Variants in PCDH1 observed in about 807,000 individuals in gnomAD.
The protein encoded by PCDH1 is protocadherin-1.
In PCDH1, 23 loss-of-function variants were observed where a neutral mutation model predicts 74.6. The ratio of observed to expected loss-of-function variants is 0.31; its 90% CI spans 0.22 to 0.44. The LOEUF is 0.44. Among genes scored for constraint, PCDH1 ranks in the 20% least tolerant of loss-of-function variants. The pLI is 1.00. For synonymous variants in PCDH1, 647 were observed against 686.1 expected (o/e 0.94, Z 0.89); for missense variants, 1,214 against 1,641.4 (o/e 0.74, Z 4.50).
intron 1 of PCDH1, among the ~76,000 whole-genome samples, chr5:141,873,742 G>A (rs569354435): frequency 6.6e-6 from 1 of 152,124 alleles, no homozygotes; most frequent in South Asian, 2.1e-4. Context: ...ACAGGCGTGA[G>A]CCACTGCGCC....
At chr5:141,860,445 G>A (rs1373882716) in intron 3 of PCDH1, among the ~76,000 whole-genome samples, 2 of 149,804 alleles carry the variant, frequency 1.3e-5, no homozygotes, top group Non-Finnish European at 2.9e-5. Flanking sequence ...GTTGCAATGA[G>A]CCAAGATTGC....
Position 141,865,476 on chromosome 5 carries a change from G to T in PCDH1, c.904-49C>A. The T allele has an allele frequency of 6.4e-7, 1 of 1,571,240 alleles. No individual in the cohort carries two copies. The highest frequency in any genetic ancestry group is 8.6e-7 in the Non-Finnish European group (1 of 1,160,050). Reference sequence around the variant, plus strand: ...AGGAGAACAGAGATGGTTTAGATCAGGGATAGCAAATAAAGGGGCACACAT... The same window carrying T: ...AGGAGAACAGAGATGGTTTAGATCATGGATAGCAAATAAAGGGGCACACAT... On this transcript the variant is annotated intron_variant, in intron 2 of 4. Coordinates refer to ENST00000287008, the MANE Select transcript of PCDH1 (RefSeq NM_032420.5). This position sits in a 1 kb window ranked among gnomAD's most constrained non-coding sequence, Gnocchi z 4.4.
rs1271292081 is a variant in PCDH1 at position 141,869,866 on chromosome 5, G to A, written c.41-435C>T. On this transcript the variant is annotated intron_variant, in intron 1 of 4. Transcript: ENST00000287008. The surrounding 1 kb of genome is among the most constrained non-coding windows in gnomAD (Gnocchi z 4.9). Reference sequence around the variant, plus strand: ...ACTGAGATAGGGAGAGAGAGCCAGTGGAAGGGTGAGACCTCGAGCATCCCC... The same window carrying A: ...ACTGAGATAGGGAGAGAGAGCCAGTAGAAGGGTGAGACCTCGAGCATCCCC... 3.2e-6 allele frequency: 3 copies of A among 934,680 alleles called. No homozygotes were observed. The highest frequency in any genetic ancestry group is 3.8e-6 in the Non-Finnish European group (3 of 783,536). 57.9% of individuals were successfully genotyped at this position (934,680 alleles called of 1,614,324 possible).
rs968310242 is a variant in PCDH1, at chr5:141,865,365, C to T, written c.966G>A (p.Ala322=). Residue 322 remains alanine (A), a synonymous_variant, in exon 3 of 5, where the codon GCG becomes GCA. Transcript: ENST00000287008. This position sits in a 1 kb window ranked among gnomAD's most constrained non-coding sequence, Gnocchi z 4.4. ...GAAGAAGACGCCTCACAACTTCGGG[C>T]GCCTGGTGGAATGTGTATTCGATTT... The part of the protein sequence containing the change: ...NAEIEYTFHQ[A]PEVVRRLLRL... 6 of 1,613,962 alleles carry T rather than the reference C, an allele frequency of 3.7e-6. No individual in the cohort carries two copies. The highest frequency in any genetic ancestry group is 2.7e-5 in the African/African-American group (2 of 74,906).
rs76528157 is a variant in PCDH1 at position 141,874,126 on chromosome 5, C to A, written c.40+4097G>T. ...CATTCCTGGACTGCCAACCTTGCCC[C>A]GTAAGGAGGGAATAAGAAACAGTGG... On this transcript the variant is annotated intron_variant, in intron 1 of 4. Coordinates refer to ENST00000287008, the MANE Select transcript of PCDH1 (RefSeq NM_032420.5). 7.0e-3 allele frequency among the ~76,000 whole-genome samples: 1,072 copies of A among 152,244 alleles called. 18 individuals are homozygous for A. Among genetic ancestry groups the A allele is most frequent in the African/African-American group, 0.024 (1,017 of 41,516 alleles).
In PCDH1 at chr5:141,865,228, C is replaced by T. The variant is rs142395032; in HGVS notation, c.1103G>A (p.Ser368Asn). The change falls in exon 3 of 5, where the codon AGT becomes AAT. Residue 368 changes from serine (S) to asparagine (N), a missense_variant. Around this residue, in one of 4 missense-constraint regions of PCDH1, gnomAD observed 836 missense variants for 1,182.2 expected, o/e 0.71. Transcript: ENST00000287008. The surrounding 1 kb of genome is among the most constrained non-coding windows in gnomAD (Gnocchi z 4.4). ...GGTCACAACCACCTGGGCACGGGCACTCTTGGGGTTGGTGCCTCGGTCCTT... is the reference window on the plus strand; with the variant it reads ...GGTCACAACCACCTGGGCACGGGCATTCTTGGGGTTGGTGCCTCGGTCCTT... ...LAKDRGTNPK[S>N]ARAQVVVTVK... is the part of the protein sequence containing the mutation. 2.0e-5 allele frequency: 33 copies of T among 1,614,080 alleles called. No homozygotes were observed. Among genetic ancestry groups the T allele is most frequent in the Non-Finnish European group, 2.8e-5 (33 of 1,180,056 alleles).
At chr5:141,855,067 G>A (rs1243827981) in intron 4 of PCDH1, among the ~76,000 whole-genome samples, 1 of 151,762 alleles carries the variant, frequency 6.6e-6, no homozygotes, top group Non-Finnish European at 1.5e-5. Flanking sequence ...AATTTCCCAG[G>A]CTCAGGCAAT....
chr5:141,878,367 C>T lies in PCDH1; in HGVS notation c.-105G>A. The T allele has an allele frequency of 1.1e-6, 1 of 912,302 alleles. No homozygotes were observed. Among genetic ancestry groups the T allele is most frequent in the Non-Finnish European group, 1.4e-6 (1 of 717,860 alleles). 56.5% of individuals were successfully genotyped at this position (912,302 alleles called of 1,614,324 possible). On this transcript the variant is annotated 5_prime_UTR_variant, in exon 1 of 5. Transcript: ENST00000287008. The surrounding 1 kb of genome is among the most constrained non-coding windows in gnomAD (Gnocchi z 5.5). ...CCGGCTGGCTCTGGGCGCAGCAGCCCGGCGGCTTTGCGTCCGCGCCGCGCT... is the reference window on the plus strand; with the variant it reads ...CCGGCTGGCTCTGGGCGCAGCAGCCTGGCGGCTTTGCGTCCGCGCCGCGCT...
Position 141,878,322 on chromosome 5 carries a change from T to G in PCDH1, c.-60A>C. ...CGCACGGCTGGGGCTGGAGCTGCAG[T>G]TCGGGCTCCGGCTCCGGCTCCGGCT... On this transcript the variant is annotated 5_prime_UTR_variant, in exon 1 of 5. Coordinates refer to ENST00000287008, the MANE Select transcript of PCDH1 (RefSeq NM_032420.5). The surrounding 1 kb of genome is among the most constrained non-coding windows in gnomAD (Gnocchi z 5.5). 8.6e-7 allele frequency: 1 copy of G among 1,167,188 alleles called. No homozygotes were observed. Among genetic ancestry groups the G allele is most frequent in the Non-Finnish European group, 1.1e-6 (1 of 940,450 alleles). 72.3% of individuals were successfully genotyped at this position (1,167,188 alleles called of 1,614,324 possible).
chr5:141,876,296 C>G (rs1408495480), intron 1 of PCDH1, among the ~76,000 whole-genome samples: 1 of 152,188 alleles, frequency 6.6e-6, no homozygotes, highest in Non-Finnish European at 1.5e-5. Flanking sequence ...CCCCCCGCAC[C>G]CAGGCCACCG....
At chr5:141,877,866 C>G (rs572291934) in intron 1 of PCDH1, among the ~76,000 whole-genome samples, 22 of 152,192 alleles carry the variant, frequency 1.4e-4, no homozygotes, top group Admixed American at 1.3e-3. Context: ...CTCCGGGAGA[C>G]CCCCACCAAA....
chr5:141,862,788 CCACT>C (rs1752617338), intron 3 of PCDH1: 1 of 1,036,824 alleles, frequency 9.6e-7, no homozygotes, highest in African/African-American at 1.7e-5. Flanking sequence ...GGCAGACTCC[CCACT>C]CAGTTATCCA....
chr5:141,857,119 G>A (rs974537106), intron 4 of PCDH1, 133 bp downstream of exon 4: 3 of 710,442 alleles, frequency 4.2e-6, no homozygotes, highest in Admixed American at 6.5e-5. Context: ...GTGTATACCT[G>A]AAAGCCCTCA....
At position 141,854,335 on chromosome 5, in the gene PCDH1, G is replaced by A; in HGVS notation, c.3421C>T (p.Pro1141Ser). ...DTCWMPGQSS[P>S]SRRTKSSALK... ...GCGCTGCTCTTGGTCCGGCGGCTGG[G>A]AGATGACTGGCCAGGCATCCAGCAT... The change falls in exon 5 of 5, where the codon CCC becomes TCC. Residue 1141 changes from proline (P) to serine (S), a missense_variant. Around this residue, in one of 4 missense-constraint regions of PCDH1, gnomAD observed 194 missense variants for 198.3 expected, o/e 0.98. Coordinates refer to ENST00000287008, the MANE Select transcript of PCDH1 (RefSeq NM_032420.5). 6.2e-7 allele frequency: 1 copy of A among 1,613,836 alleles called. No homozygotes were observed. The highest frequency in any genetic ancestry group is 8.5e-7 in the Non-Finnish European group (1 of 1,179,992).
chr5:141,867,539 T>C (rs1419429191), intron 2 of PCDH1: 6 of 454,406 alleles, frequency 1.3e-5, no homozygotes, highest in Admixed American at 9.5e-5. Flanking sequence ...ACCTAGGCTA[T>C]TATTATTTGC....
At chr5:141,860,515 A>G (rs926202180) in intron 3 of PCDH1, among the ~76,000 whole-genome samples, 2 of 146,674 alleles carry the variant, frequency 1.4e-5, no homozygotes, top group African/African-American at 2.4e-5. Flanking sequence ...AAAAAAAAAA[A>G]AGGTTAAACG....
chr5:141,856,014 G>A (rs1264822898), intron 4 of PCDH1, among the ~76,000 whole-genome samples: 1 of 151,354 alleles, frequency 6.6e-6, no homozygotes, highest in Non-Finnish European at 1.5e-5. Flanking sequence ...GGGCTCCCCT[G>A]GCACCACCCA....
Position 141,867,821 on chromosome 5 carries a change from C to T in PCDH1, c.903+748G>A, listed in dbSNP as rs1006522294. 5.3e-5 allele frequency among the ~76,000 whole-genome samples: 8 copies of T among 152,204 alleles called. No homozygotes were observed. In the South Asian group the frequency reaches 1.2e-3, roughly 24 times the overall value. On this transcript the variant is annotated intron_variant, in intron 2 of 4. Transcript: ENST00000287008. ...CAGGAGGCCAGAGCTGAGATGACAG[C>T]GGGAGATACACCCACCTGTCTGCAG... is the stretch of plus-strand genomic sequence containing the variant.
At chr5:141,874,745 C>T (rs1016860415) in intron 1 of PCDH1, among the ~76,000 whole-genome samples, 2 of 152,200 alleles carry the variant, frequency 1.3e-5, no homozygotes, top group African/African-American at 4.8e-5. Flanking sequence ...GTCCCAGTAG[C>T]CAGGTCAGCT....
Sources: gnomAD v4.1 joint callset for allele counts (sites outside exome capture counted in the v4.1 genomes callset) on GRCh38, gnomAD v4.1.1 for gene constraint, gnomAD v4.1.1 regional missense constraint, Gnocchi (gnomAD v3.1) non-coding constraint, MANE v1.5 for transcripts, NCBI Gene and HGNC (gene_info 2026-07-23, HGNC 2026-07-21) for gene names.